MUC4: variants seen among roughly 807,000 people sequenced by gnomAD.
The protein encoded by MUC4 is mucin-4.
A neutral mutation model predicts 257.9 loss-of-function variants in MUC4; 202 were observed. The ratio of observed to expected loss-of-function variants is 0.78; its 90% CI spans 0.70 to 0.88. The LOEUF is 0.88. MUC4 is among the 40% of genes least tolerant of loss of function. The probability of loss-of-function intolerance (pLI) is 0.00; values close to 1 mark genes in which losing one functional copy is unlikely to be tolerated. For missense variants in MUC4, 5,976 were observed against 6,513.7 expected, an observed-to-expected ratio of 0.92 and a Z score of 2.84; for synonymous variants, 2,351 against 2,757.1, an observed-to-expected ratio of 0.85 and a Z score of 4.62.
At position 195,786,558 on chromosome 3, in the gene MUC4, G is replaced by T; in HGVS notation, c.5022C>A (p.Ser1674=). 1 of 1,513,984 alleles carries T rather than the reference G, an allele frequency of 6.6e-7. No homozygotes were observed. The highest frequency in any genetic ancestry group is 8.9e-7 in the Non-Finnish European group (1 of 1,124,104). 93.8% of individuals were successfully genotyped at this position (1,513,984 alleles called of 1,614,324 possible). The change falls in exon 2 of 25, where the codon TCC becomes TCA. Residue 1674 remains serine (S), a synonymous_variant. Coordinates refer to ENST00000463781, the MANE Select transcript of MUC4 (RefSeq NM_018406.7). ...PLPVTSTSSA[S]TGHATPLPVT... is the part of the protein sequence containing the mutation. ...CAGGAAGAGGGGTGGCGTGACCGGT[G>T]GATGCTGAGGAAGTGCTGGTGACAG...
Position 195,747,062 on chromosome 3 carries a change from A to C in MUC4, c.*114T>G, listed in dbSNP as rs1328878356. On this transcript the variant is annotated 3_prime_UTR_variant, in exon 25 of 25. Transcript: ENST00000463781. ...TCCCAGTATTCATTCTCCTTGAAGAATCCTGACAGCCTTCAGTCACCTTCC... is the reference window on the plus strand; with the variant it reads ...TCCCAGTATTCATTCTCCTTGAAGACTCCTGACAGCCTTCAGTCACCTTCC... 1 of 1,390,986 alleles carries C rather than the reference A, an allele frequency of 7.2e-7. No homozygotes were observed. Among genetic ancestry groups the C allele is most frequent in the East Asian group, 2.3e-5 (1 of 44,046 alleles). 86.2% of individuals were successfully genotyped at this position (1,390,986 alleles called of 1,614,324 possible).
At chr3:195,799,089 C>T (rs1237362280) in intron 1 of MUC4, among the ~76,000 whole-genome samples, 1 of 152,218 alleles carries the variant, frequency 6.6e-6, no homozygotes, top group African/African-American at 2.4e-5. Context: ...CCACATCCTG[C>T]TGTGTGTCCA....
At chr3:195,770,971 G>A (rs1169389274) in intron 5 of MUC4, 3 of 419,062 alleles carry the variant, frequency 7.2e-6, no homozygotes, top group Non-Finnish European at 1.5e-5. Flanking sequence ...GGGTATTCCT[G>A]GTCAGTCTCG....
chr3:195,809,284 C>G (rs1736390859), intron 1 of MUC4, among the ~76,000 whole-genome samples: 2 of 152,206 alleles, frequency 1.3e-5, no homozygotes, highest in African/African-American at 4.8e-5. Flanking sequence ...TGTGACCCAG[C>G]CTGGGTGAGG....
chr3:195,749,003 G>T lies in MUC4; in HGVS notation c.15933C>A (p.Val5311=). Residue 5311 remains valine, a synonymous_variant, in exon 24 of 25, where the codon GTC becomes GTA. Coordinates refer to ENST00000463781, the MANE Select transcript of MUC4 (RefSeq NM_018406.7). Reference sequence around the variant, plus strand: ...AGGTGAAGCCGCTCTGGGGGCTGTAGACCAGGTCGTAGCCCTTGTAGCCAT... The same window carrying T: ...AGGTGAAGCCGCTCTGGGGGCTGTATACCAGGTCGTAGCCCTTGTAGCCAT... The part of the protein sequence containing the change: ...RCDGYKGYDL[V]YSPQSGFTCV... 6.2e-7 allele frequency: 1 copy of T among 1,609,950 alleles called. No individual in the cohort carries two copies. Among genetic ancestry groups the T allele is most frequent in the Non-Finnish European group, 8.5e-7 (1 of 1,178,032 alleles).
Position 195,783,356 on chromosome 3 carries a change from T to A in MUC4, c.8224A>T (p.Thr2742Ser), listed in dbSNP as rs1376301479. The A allele has an allele frequency of 6.0e-5, 45 of 749,114 alleles. 1 individual carries two copies. In the African/African-American group the frequency reaches 6.1e-4, roughly 10 times the overall value. 46.4% of individuals were successfully genotyped at this position (749,114 alleles called of 1,614,324 possible). ...GTGTCACCTGTGGATACTGAGGAAGTCTCGGTGACAAGAAGAGGGGTGGTG... is the reference window on the plus strand; with the variant it reads ...GTGTCACCTGTGGATACTGAGGAAGACTCGGTGACAAGAAGAGGGGTGGTG... Reference protein sequence around the residue: ...GDTTPLLVTETSSVSTGDTTP... With the variant: ...GDTTPLLVTESSSVSTGDTTP... The change falls in exon 2 of 25, where the codon ACT becomes TCT. Residue 2742 changes from threonine to serine, a missense_variant. This residue lies in a region of MUC4 where 75 missense variants were observed against 58.7 expected (regional missense o/e 1.28). Coordinates refer to ENST00000463781, the MANE Select transcript of MUC4 (RefSeq NM_018406.7).
Position 195,764,736 on chromosome 3 carries a change from C to T in MUC4, c.13924+261G>A, listed in dbSNP as rs543214615. On this transcript the variant is annotated intron_variant, in intron 10 of 24. Transcript: ENST00000463781. ...TCTACAGGGACGGGGTCAGCCTAGG[C>T]GCTCTCTTCTTGCCTGGAGAAATGG... Among the ~76,000 whole-genome samples the T allele has an allele frequency of 6.6e-5, 10 of 152,196 alleles. No homozygotes were observed. The South Asian group carries it at 8.3e-4, about 13-fold the overall frequency.
chr3:195,784,506 A>AAGGCTGGTGACAGGAAGAGAGGTG lies in MUC4; in HGVS notation c.7073_7074insCACCTCTCTTCCTGTCACCAGCCT (p.Ala2358_Ser2359insThrSerLeuProValThrSerLeu), dbSNP rs774969429. 2 of 1,528,992 alleles carry AAGGCTGGTGACAGGAAGAGAGGTG rather than the reference A, an allele frequency of 1.3e-6. No individual in the cohort carries two copies. The highest frequency in any genetic ancestry group is 1.4e-5 in the African/African-American group (1 of 69,238). 94.7% of individuals were successfully genotyped at this position (1,528,992 alleles called of 1,614,324 possible). A position where few individuals can be genotyped will look rare whatever the true frequency, so the allele number is the denominator to read the frequency against. ...TGGTGTCACCTGTGGATACTGAGGA[A>AAGGCTGGTGACAGGAAGAGAGGTG]GCGTCGGTGACATGAAGAGGGGTGG... is the stretch of plus-strand genomic sequence containing the variant. On this transcript the variant is annotated inframe_insertion, in exon 2 of 25. Transcript: ENST00000463781.
At chr3:195,752,993 T>G in intron 20 of MUC4, 58 bp downstream of exon 20, 2 of 1,420,482 alleles carry the variant, frequency 1.4e-6, no homozygotes, top group East Asian at 2.4e-5. Flanking sequence ...AGTGCGGGGG[T>G]GAGAGGGTGG....
intron 5 of MUC4, chr3:195,770,711 A>G (rs1722607583): frequency 2.4e-6 from 1 of 423,016 alleles, no homozygotes; most frequent in Non-Finnish European, 4.5e-6. Flanking sequence ...TCTTGAGAAC[A>G]GGCGTGAGTC....
In MUC4 at chr3:195,760,591, G is replaced by A. The variant is rs757118705; in HGVS notation, c.14848+293C>T. ...GGAGGGGGCTGGGAAGGCGTCCAGC[G>A]CTAGTATGGAGTGAAGGGGGCTGGG... On this transcript the variant is annotated intron_variant, in intron 16 of 24. Coordinates refer to ENST00000463781, the MANE Select transcript of MUC4 (RefSeq NM_018406.7). Among the ~76,000 whole-genome samples, 277 of 38,954 alleles carry A rather than the reference G, an allele frequency of 7.1e-3. 3 individuals carry two copies. The highest frequency in any genetic ancestry group is 0.011 in the Non-Finnish European group (141 of 12,342). The allele number at this position is 38,954 out of a possible 152,430, so 25.6% of individuals were successfully genotyped here.
At chr3:195,748,454 C>G (rs1715609604) in intron 24 of MUC4, among the ~76,000 whole-genome samples, 2 of 152,410 alleles carry the variant, frequency 1.3e-5, no homozygotes, top group Middle Eastern at 3.4e-3. Context: ...GTCCCAACTA[C>G]TCGGGAGGCT....
In MUC4 at chr3:195,757,135, C is replaced by A. The variant is rs1205164873; in HGVS notation, c.15168+12G>T. 1 of 1,586,832 alleles carries A rather than the reference C, an allele frequency of 6.3e-7. No individual in the cohort carries two copies. The highest frequency in any genetic ancestry group is 2.3e-5 in the East Asian group (1 of 44,126). ...CGGCACAGAAACTCCTCCCCCACCT[C>A]CCAACACTCACCTCCAGGGAGGAGT... On this transcript the variant is annotated intron_variant, in intron 18 of 24. Coordinates refer to ENST00000463781, the MANE Select transcript of MUC4 (RefSeq NM_018406.7). This position sits in a 1 kb window ranked among gnomAD's most constrained non-coding sequence, Gnocchi z 4.8.
intron 1 of MUC4, among the ~76,000 whole-genome samples, chr3:195,795,356 T>C (rs962378002): frequency 6.6e-6 from 1 of 152,180 alleles, no homozygotes; most frequent in African/African-American, 2.4e-5. Flanking sequence ...TCCTTTTTTT[T>C]AAAGTAAAGA....
At position 195,786,482 on chromosome 3, in the gene MUC4, T is replaced by A. The variant is rs1731974798; in HGVS notation, c.5098A>T (p.Thr1700Ser). 4 of 1,525,094 alleles carry A rather than the reference T, an allele frequency of 2.6e-6. No homozygotes were observed. Among genetic ancestry groups the A allele is most frequent in the Non-Finnish European group, 3.5e-6 (4 of 1,132,032 alleles). 94.5% of individuals were successfully genotyped at this position (1,525,094 alleles called of 1,614,324 possible). ...CCTGTGGATGCCGAGGAAACGTCGG[T>A]GACAGGAAGACGGGTGGTGTCATCT... The part of the protein sequence containing the change: ...TTDDTTRLPV[T>S]DVSSASTGQA... Residue 1700 changes from threonine (T) to serine (S), a missense_variant, in exon 2 of 25, where the codon ACC (threonine) becomes TCC (serine). Thr to Ser is a moderately conservative substitution (Grantham distance 58). Transcript: ENST00000463781.
chr3:195,752,731 G>C (rs2432530), intron 20 of MUC4, among the ~76,000 whole-genome samples: 2 of 152,076 alleles, frequency 1.3e-5, no homozygotes, highest in African/African-American at 2.4e-5. Flanking sequence ...GGTTGCTGAA[G>C]AAACCGGGAG....
chr3:195,765,572 C>CAAGATGGGCAA (rs1720279870), intron 8 of MUC4, 123 bp from the exon 9 acceptor site: 5 of 992,938 alleles, frequency 5.0e-6, no homozygotes, highest in Non-Finnish European at 7.2e-6. Context: ...CCTCTTTGGA[C>CAAGATGGGCAA]CCAAGTCAGA....
intron 18 of MUC4, among the ~76,000 whole-genome samples, chr3:195,754,912 T>TATCCATATC (rs1553853174): frequency 1.3e-5 from 2 of 150,336 alleles, no homozygotes; most frequent in Non-Finnish European, 3.0e-5. Flanking sequence ...TATGTGTGTG[T>TATCCATATC]CATGCATGTA....
intron 1 of MUC4, among the ~76,000 whole-genome samples, chr3:195,791,956 C>T (rs1733918351): frequency 6.6e-6 from 1 of 152,108 alleles, no homozygotes. Context: ...GAAACTGGAC[C>T]CCTTCCTTAC....
Sources: gnomAD v4.1 joint callset for allele counts (sites outside exome capture counted in the v4.1 genomes callset) on GRCh38, gnomAD v4.1.1 for gene constraint, gnomAD v4.1.1 regional missense constraint, Gnocchi (gnomAD v3.1) non-coding constraint, MANE v1.5 for transcripts, NCBI Gene and HGNC (gene_info 2026-07-23, HGNC 2026-07-21) for gene names.